Variants in CDON observed in about 807,000 individuals in gnomAD.
CDON encodes cell adhesion associated, oncogene regulated, also known as cell adhesion molecule-related/down-regulated by oncogenes.
A neutral mutation model predicts 120.9 loss-of-function variants in CDON; 73 were observed. That is an observed-to-expected ratio of 0.60 (90% confidence interval 0.50 to 0.73). The LOEUF (loss-of-function observed/expected upper bound fraction) is 0.73, where lower values mean the gene tolerates loss of function less well. Ranked by LOEUF, CDON falls within the 30% of genes least tolerant of loss-of-function variation. The pLI is 0.00. For missense variants in CDON, 1,470 were observed against 1,587.3 expected (o/e 0.93, Z 1.26); for synonymous variants, 566 against 573.5 (o/e 0.99, Z 0.19).
chr11:126,036,831 G>A, intron 1 of CDON, among the ~76,000 whole-genome samples: 1 of 152,176 alleles, frequency 6.6e-6, no homozygotes, highest in South Asian at 2.1e-4. Context: ...TGGCACCACA[G>A]GCGCAAGCCA....
intron 18 of CDON, among the ~76,000 whole-genome samples, chr11:125,973,886 TTATTTA>T (rs1293089225): frequency 3.3e-5 from 5 of 152,164 alleles, no homozygotes; most frequent in African/African-American, 4.8e-5. Flanking sequence ...TTCATTTTTA[TTATTTA>T]TGTCATTTTT....
At chr11:126,030,406 T>C (rs1338089167) in intron 1 of CDON, among the ~76,000 whole-genome samples, 1 of 152,218 alleles carries the variant, frequency 6.6e-6, no homozygotes, top group Non-Finnish European at 1.5e-5. Flanking sequence ...ATCATTCCTC[T>C]TCCTAGCCTC....
intron 1 of CDON, among the ~76,000 whole-genome samples, chr11:126,041,279 A>G (rs1948256970): frequency 6.6e-6 from 1 of 152,182 alleles, no homozygotes; most frequent in East Asian, 1.9e-4. Context: ...ACAACACCAA[A>G]GGCACTATTA....
chr11:126,035,907 C>G (rs1948081561), intron 1 of CDON, among the ~76,000 whole-genome samples: 1 of 152,142 alleles, frequency 6.6e-6, no homozygotes, highest in African/African-American at 2.4e-5. Context: ...TCCGGCCTGA[C>G]TATCAAAAAT....
At chr11:125,977,489 T>A (rs1946179894) in intron 18 of CDON, among the ~76,000 whole-genome samples, 1 of 152,192 alleles carries the variant, frequency 6.6e-6, no homozygotes, top group African/African-American at 2.4e-5. Context: ...CCACCCATAC[T>A]CCAGTTATTT....
rs545968669 is a variant in CDON at position 125,984,182 on chromosome 11, T to C, written c.2774-89A>G. 234 of 884,892 alleles carry C rather than the reference T, an allele frequency of 2.6e-4. 1 individual carries two copies. In the East Asian group the frequency reaches 3.3e-3, roughly 12 times the overall value. The allele number at this position is 884,892 out of a possible 1,614,324, so 54.8% of individuals were successfully genotyped here. A position where few individuals can be genotyped will look rare whatever the true frequency, so the allele number is the denominator to read the frequency against. ...TCTCTGAAGGAGGTCTGGTTAGGAATGCAAGCCAGTCTGTTTACTCTTGTT... is the reference window on the plus strand; with the variant it reads ...TCTCTGAAGGAGGTCTGGTTAGGAACGCAAGCCAGTCTGTTTACTCTTGTT... On this transcript the variant is annotated intron_variant, in intron 15 of 19. Transcript: ENST00000531738.
At chr11:125,969,280 G>A (rs1319555316) in intron 18 of CDON, among the ~76,000 whole-genome samples, 1 of 152,188 alleles carries the variant, frequency 6.6e-6, no homozygotes, top group African/African-American at 2.4e-5. Context: ...TTACAGGCGT[G>A]AGCCACCACG....
intron 1 of CDON, among the ~76,000 whole-genome samples, chr11:126,057,129 C>G (rs1464453365): frequency 6.6e-6 from 1 of 152,108 alleles, no homozygotes; most frequent in African/African-American, 2.4e-5. Context: ...ATTATACCTT[C>G]AAGTAGTGAA....
At chr11:125,962,565 G>A (rs925855697) in intron 18 of CDON, among the ~76,000 whole-genome samples, 1 of 152,156 alleles carries the variant, frequency 6.6e-6, no homozygotes, top group Admixed American at 6.5e-5. Context: ...CAGAATTGCT[G>A]GAATTTATTA....
chr11:126,041,174 A>G (rs1482734747), intron 1 of CDON, among the ~76,000 whole-genome samples: 1 of 150,094 alleles, frequency 6.7e-6, no homozygotes, highest in African/African-American at 2.4e-5. Flanking sequence ...CCCGGGCGAC[A>G]GAGTGAGACT....
At chr11:125,990,837 A>G (rs1946613684) in intron 14 of CDON, among the ~76,000 whole-genome samples, 1 of 151,972 alleles carries the variant, frequency 6.6e-6, no homozygotes, top group African/African-American at 2.4e-5. Flanking sequence ...TTTTTTAAGG[A>G]AGAAAATCTG....
intron 17 of CDON, among the ~76,000 whole-genome samples, chr11:125,979,263 C>T (rs559614751): frequency 6.6e-6 from 1 of 152,166 alleles, no homozygotes; most frequent in African/African-American, 2.4e-5. Context: ...CCATTCATTT[C>T]ATAACAGTAG....
intron 18 of CDON, among the ~76,000 whole-genome samples, chr11:125,972,477 G>A (rs1946030294): frequency 6.6e-6 from 1 of 151,930 alleles, no homozygotes; most frequent in Non-Finnish European, 1.5e-5. Context: ...CAAGGTCATG[G>A]AACCCAGTGA....
At chr11:126,020,362 C>A (rs1177916922) in intron 3 of CDON, among the ~76,000 whole-genome samples, 1 of 152,150 alleles carries the variant, frequency 6.6e-6, no homozygotes, top group Non-Finnish European at 1.5e-5. Flanking sequence ...GGAAGGATAT[C>A]ATTATTTAGA....
chr11:125,977,693 G>A (rs937828172), intron 18 of CDON, among the ~76,000 whole-genome samples: 2 of 152,096 alleles, frequency 1.3e-5, no homozygotes, highest in Admixed American at 6.5e-5. Flanking sequence ...AAAGTGTGCC[G>A]AGTATCCTAT....
At position 126,023,470 on chromosome 11, in the gene CDON, G is replaced by A. The variant is rs771518021; in HGVS notation, c.7C>T (p.Pro3Ser). Residue 3 changes from proline to serine, a missense_variant, in exon 2 of 20, where the codon CCG (proline) becomes TCG (serine). Coordinates refer to ENST00000531738, the MANE Select transcript of CDON (RefSeq NM_001378964.1). The stretch of plus-strand genomic sequence containing the variant: ...AGTGTACATAAGGGTCCAAGATCCG[G>A]ATGCATAGCGCCAGATTACAGAAGC... MH[P>S]DLGPLCTLLY... is the part of the protein sequence containing the mutation. The A allele has an allele frequency of 1.6e-5, 26 of 1,610,754 alleles. No homozygotes were observed. The highest frequency in any genetic ancestry group is 2.2e-5 in the Non-Finnish European group (26 of 1,177,120).
chr11:126,011,190 C>G (rs2134633902), intron 7 of CDON, among the ~76,000 whole-genome samples: 1 of 152,170 alleles, frequency 6.6e-6, no homozygotes, highest in East Asian at 1.9e-4. Flanking sequence ...CTGATGATAC[C>G]TGTATGTTTT....
chr11:126,017,138 C>T lies in CDON; in HGVS notation c.878G>A (p.Gly293Glu), dbSNP rs762706906. ...ADSGNYSCMA[G>E]NKSGDVKYVT... ...ATATTTTACATCTCCAGACTTGTTT[C>T]CCGCCATGCAGGAATAGTTTCCGGA... The change falls in exon 6 of 20, where the codon GGA becomes GAA. Residue 293 changes from glycine to glutamate, a missense_variant. Coordinates refer to ENST00000531738, the MANE Select transcript of CDON (RefSeq NM_001378964.1). 1.9e-6 allele frequency: 3 copies of T among 1,614,172 alleles called. No homozygotes were observed. Among genetic ancestry groups the T allele is most frequent in the South Asian group, 2.2e-5 (2 of 91,088 alleles).
intron 3 of CDON, among the ~76,000 whole-genome samples, 171 bp downstream of exon 3, chr11:126,021,077 A>G (rs1332103336): frequency 1.3e-5 from 2 of 152,188 alleles, no homozygotes; most frequent in Non-Finnish European, 2.9e-5. Context: ...GGCCAGGCTC[A>G]CAGAGGTCTA....
Sources: allele counts gnomAD v4.1 joint callset (sites outside exome capture counted in the v4.1 genomes callset), GRCh38; gene constraint gnomAD v4.1.1; transcripts MANE v1.5; gene names NCBI Gene and HGNC (gene_info 2026-07-23, HGNC 2026-07-21).